Variants in BCL2 observed in about 807,000 individuals in gnomAD.
The protein encoded by BCL2 is BCL2 apoptosis regulator, also known as apoptosis regulator Bcl-2.
In BCL2, 1 loss-of-function variant was observed where a neutral mutation model predicts 14.2. The ratio of observed to expected loss-of-function variants is 0.07; its 90% CI spans 0.02 to 0.33. The LOEUF is 0.33. Ranked by LOEUF, BCL2 falls within the 10% of genes least tolerant of loss-of-function variation. The probability of loss-of-function intolerance (pLI) is 0.99; values close to 1 mark genes in which losing one functional copy is unlikely to be tolerated. For missense variants in BCL2, 247 were observed against 305.9 expected (o/e 0.81, Z 1.44); for synonymous variants, 151 against 137.2 (o/e 1.10, Z -0.70).
intron 2 of BCL2, among the ~76,000 whole-genome samples, chr18:63,271,815 T>C (rs1450818783): frequency 6.6e-6 from 1 of 152,226 alleles, no homozygotes; most frequent in Admixed American, 6.5e-5. Context: ...TGGAGGTTTA[T>C]GCTTTAACAA....
chr18:63,136,265 C>T (rs1199720450), intron 2 of BCL2, among the ~76,000 whole-genome samples: 1 of 152,162 alleles, frequency 6.6e-6, no homozygotes, highest in Non-Finnish European at 1.5e-5. Flanking sequence ...CCCTAACTGG[C>T]AAATACTTAT....
At chr18:63,210,223 T>C (rs1909962436) in intron 2 of BCL2, among the ~76,000 whole-genome samples, 1 of 152,186 alleles carries the variant, frequency 6.6e-6, no homozygotes, top group Admixed American at 6.5e-5. Flanking sequence ...GTGTCTGGAC[T>C]GTTCAGGTGG....
At chr18:63,140,669 G>T (rs1389184997) in intron 2 of BCL2, among the ~76,000 whole-genome samples, 1 of 152,226 alleles carries the variant, frequency 6.6e-6, no homozygotes, top group African/African-American at 2.4e-5. Flanking sequence ...GGGAGTCATT[G>T]CTAATGGGTA....
intron 2 of BCL2, among the ~76,000 whole-genome samples, chr18:63,290,861 G>A (rs182797125): frequency 6.4e-4 from 98 of 152,250 alleles, no homozygotes; most frequent in Admixed American, 2.2e-3. Flanking sequence ...TGTGTGGGCC[G>A]AATGTTTCTT....
rs1913582802 is a variant in BCL2, at chr18:63,318,537, G to C, written c.130C>G (p.Pro44Ala). 1.3e-6 allele frequency: 2 copies of C among 1,585,642 alleles called. No individual in the cohort carries two copies. The highest frequency in any genetic ancestry group is 1.7e-6 in the Non-Finnish European group (2 of 1,169,716). ...DVGAAPPGAA[P>A]APGIFSSQPG... is the part of the protein sequence containing the mutation. Reference sequence around the variant, plus strand: ...TGGGAGGAGAAGATGCCCGGTGCGGGGGCGGCCCCCGGGGGCGCGGCGCCC... The same window carrying C: ...TGGGAGGAGAAGATGCCCGGTGCGGCGGCGGCCCCCGGGGGCGCGGCGCCC... The change falls in exon 2 of 3, where the codon CCC (proline) becomes GCC (alanine). Residue 44 changes from proline to alanine, a missense_variant. This residue lies in a region of BCL2 where 144 missense variants were observed against 135.3 expected (regional missense o/e 1.06). Coordinates refer to ENST00000333681, the MANE Select transcript of BCL2 (RefSeq NM_000633.3). The surrounding 1 kb of genome is among the most constrained non-coding windows in gnomAD (Gnocchi z 7.4).
rs968302224 is a variant in BCL2 at position 63,261,263 on chromosome 18, C to T, written c.585+56819G>A. ...TTTGGTGAACTAGTTTTCCAAGAGCCGACAACTAGCTGCTTGGTTGTGAGT... is the reference window on the plus strand; with the variant it reads ...TTTGGTGAACTAGTTTTCCAAGAGCTGACAACTAGCTGCTTGGTTGTGAGT... On this transcript the variant is annotated intron_variant, in intron 2 of 2. Coordinates refer to ENST00000333681, the MANE Select transcript of BCL2 (RefSeq NM_000633.3). Among the ~76,000 whole-genome samples, 11 of 152,202 alleles carry T rather than the reference C, an allele frequency of 7.2e-5. No homozygotes were observed. In the East Asian group the frequency reaches 7.7e-4, roughly 11 times the overall value.
intron 2 of BCL2, among the ~76,000 whole-genome samples, chr18:63,279,809 A>C (rs184218514): frequency 4.7e-4 from 72 of 152,376 alleles, no homozygotes; most frequent in Non-Finnish European, 1.5e-4. Flanking sequence ...CACAAACTAC[A>C]TACACTACAA....
chr18:63,312,789 G>A (rs1256906857), intron 2 of BCL2, among the ~76,000 whole-genome samples: 2 of 152,222 alleles, frequency 1.3e-5, no homozygotes, highest in East Asian at 1.9e-4. Context: ...CCCTGTTCCA[G>A]TCAGTCTAAT....
At chr18:63,284,657 C>G (rs930961922) in intron 2 of BCL2, among the ~76,000 whole-genome samples, 2 of 152,188 alleles carry the variant, frequency 1.3e-5, no homozygotes, top group Non-Finnish European at 2.9e-5. Flanking sequence ...CCAAAAAAAG[C>G]TACCTTCAAA....
At chr18:63,317,787 G>A (rs1044124137) in intron 2 of BCL2, 1 of 1,262,570 alleles carries the variant, frequency 7.9e-7, no homozygotes, top group African/African-American at 1.5e-5. Context: ...TTCAGCTTGA[G>A]AAACACTGAA....
chr18:63,260,452 C>T (rs1383624718), intron 2 of BCL2, among the ~76,000 whole-genome samples: 1 of 152,178 alleles, frequency 6.6e-6, no homozygotes, highest in Admixed American at 6.5e-5. Context: ...AGTTACTAGT[C>T]CATAGAACTT....
chr18:63,126,368 G>A lies in BCL2; in HGVS notation c.*2257C>T, dbSNP rs1010709112. ...GTGGGTCTGTGTTGAAACAGGCCAC[G>A]TAAAGCAACTCTCTAAAGGTCAAAC... On this transcript the variant is annotated 3_prime_UTR_variant, in exon 3 of 3. Transcript: ENST00000333681. 2 of 221,300 alleles carry A rather than the reference G, an allele frequency of 9.0e-6. No homozygotes were observed. The highest frequency in any genetic ancestry group is 1.8e-5 in the Non-Finnish European group (2 of 110,212). 13.7% of individuals were successfully genotyped at this position (221,300 alleles called of 1,614,324 possible). A position where few individuals can be genotyped will look rare whatever the true frequency, so the allele number is the denominator to read the frequency against.
At chr18:63,158,591 TTCCAAC>T (rs1319888483) in intron 2 of BCL2, among the ~76,000 whole-genome samples, 1 of 152,192 alleles carries the variant, frequency 6.6e-6, no homozygotes, top group African/African-American at 2.4e-5. Flanking sequence ...CACAAGCCTG[TTCCAAC>T]CCCAGAATCC....
chr18:63,253,323 A>G (rs1911370923), intron 2 of BCL2, among the ~76,000 whole-genome samples: 1 of 152,236 alleles, frequency 6.6e-6, no homozygotes, highest in African/African-American at 2.4e-5. Flanking sequence ...CACTACACTG[A>G]TCGCCTACGA....
rs987932626 is a variant in BCL2, at chr18:63,166,379, G to A, written c.586-37620C>T. ...GCTCCAGGACCCTGGACGGGGCAGGGACGGCGTCCCTGGACCCTGGACAGC... is the reference window on the plus strand; with the variant it reads ...GCTCCAGGACCCTGGACGGGGCAGGAACGGCGTCCCTGGACCCTGGACAGC... On this transcript the variant is annotated intron_variant, in intron 2 of 2. Coordinates refer to ENST00000333681, the MANE Select transcript of BCL2 (RefSeq NM_000633.3). 2.6e-5 allele frequency among the ~76,000 whole-genome samples: 4 copies of A among 152,180 alleles called. 1 individual carries two copies. The highest frequency in any genetic ancestry group is 5.9e-5 in the Non-Finnish European group (4 of 68,028).
At chr18:63,163,396 C>A (rs999957502) in intron 2 of BCL2, among the ~76,000 whole-genome samples, 1 of 152,138 alleles carries the variant, frequency 6.6e-6, no homozygotes, top group African/African-American at 2.4e-5. Context: ...TGTTTGATTG[C>A]AAGTTCTTTT....
intron 2 of BCL2, among the ~76,000 whole-genome samples, chr18:63,154,396 C>A (rs1224963873): frequency 6.6e-6 from 1 of 152,194 alleles, no homozygotes; most frequent in Non-Finnish European, 1.5e-5. Flanking sequence ...GTCTGCTAGA[C>A]CCACAAAGCA....
intron 2 of BCL2, among the ~76,000 whole-genome samples, chr18:63,182,691 C>T (rs988930430): frequency 4.6e-5 from 7 of 152,212 alleles, no homozygotes; most frequent in African/African-American, 1.4e-4. Context: ...TTCATTGGCC[C>T]ATTCTGCAAA....
At chr18:63,226,932 T>A (rs137975305) in intron 2 of BCL2, among the ~76,000 whole-genome samples, 137 of 152,156 alleles carry the variant, frequency 9.0e-4, no homozygotes, top group African/African-American at 3.3e-3. Context: ...AATAGAGGAC[T>A]GAGGAGAGAA....
Sources: allele counts gnomAD v4.1 joint callset (sites outside exome capture counted in the v4.1 genomes callset), GRCh38; gene constraint gnomAD v4.1.1; regional missense constraint gnomAD v4.1.1; non-coding constraint Gnocchi (gnomAD v3.1); transcripts MANE v1.5; gene names NCBI Gene and HGNC (gene_info 2026-07-23, HGNC 2026-07-21).